Variants in RASGRF2 observed in about 807,000 individuals in gnomAD.
RASGRF2 encodes ras-specific guanine nucleotide-releasing factor 2.
RASGRF2 carries 76 observed loss-of-function variants against 151.0 expected under a neutral mutation model. That is an observed-to-expected ratio of 0.50 (90% confidence interval 0.42 to 0.61). The LOEUF is 0.61. Ranked by LOEUF, RASGRF2 falls within the 20% of genes least tolerant of loss-of-function variation. The pLI is 0.00. For missense variants in RASGRF2, 1,148 were observed against 1,564.6 expected (o/e 0.73, Z 4.49); for synonymous variants, 504 against 566.5 (o/e 0.89, Z 1.57).
chr5:81,012,740 G>T (rs1749507977), intron 1 of RASGRF2, among the ~76,000 whole-genome samples: 3 of 152,004 alleles, frequency 2.0e-5, no homozygotes, highest in Admixed American at 2.0e-4. Context: ...CCCTTTCTCA[G>T]CGAACACTTA....
At chr5:81,025,220 G>A (rs1749977367) in intron 1 of RASGRF2, among the ~76,000 whole-genome samples, 1 of 152,202 alleles carries the variant, frequency 6.6e-6, no homozygotes. Flanking sequence ...GCCCAGCCTG[G>A]CTTTCTCAGG....
chr5:81,153,526 C>A (rs1754184829), intron 17 of RASGRF2, among the ~76,000 whole-genome samples: 1 of 152,186 alleles, frequency 6.6e-6, no homozygotes, highest in Admixed American at 6.5e-5. Context: ...AGGAATGCAA[C>A]CTTGCTAGCA....
intron 1 of RASGRF2, among the ~76,000 whole-genome samples, chr5:81,007,234 C>T (rs141202396): frequency 4.9e-4 from 75 of 152,300 alleles, no homozygotes; most frequent in Middle Eastern, 3.4e-3. Context: ...TTCCCTTGGC[C>T]TCTACACTTT....
At chr5:81,087,544 A>G (rs1752274392) in intron 9 of RASGRF2, 2 of 585,652 alleles carry the variant, frequency 3.4e-6, no homozygotes, top group Admixed American at 3.0e-5. Context: ...GCATCACTCG[A>G]TAAATTAAGC....
At chr5:80,996,504 C>CTTCTTCTTCTTCTTCTT (rs56180832) in intron 1 of RASGRF2, among the ~76,000 whole-genome samples, 5 of 50,228 alleles carry the variant, frequency 1.0e-4, no homozygotes, top group African/African-American at 3.1e-4. Flanking sequence ...TCTTCTTCTT[C>CTTCTTCTTCTTCTTCTT]CTCCTCCTCC....
At chr5:81,018,508 G>C (rs1310799543) in intron 1 of RASGRF2, among the ~76,000 whole-genome samples, 4 of 152,130 alleles carry the variant, frequency 2.6e-5, no homozygotes. Flanking sequence ...AAGCTCCCAT[G>C]AGTGTTAAAG....
chr5:81,039,398 TGGGCTAAAGA>T (rs1488904681), intron 1 of RASGRF2, among the ~76,000 whole-genome samples: 5 of 152,168 alleles, frequency 3.3e-5, no homozygotes, highest in Non-Finnish European at 5.9e-5. Context: ...ATGTATAATT[TGGGCTAAAGA>T]GGGCCACTAT....
At chr5:81,100,592 T>C (rs551483658) in intron 12 of RASGRF2, among the ~76,000 whole-genome samples, 62 of 152,304 alleles carry the variant, frequency 4.1e-4, no homozygotes, top group African/African-American at 1.4e-3. Flanking sequence ...TTTGACTATT[T>C]ATTTCAATAA....
At chr5:81,035,290 G>A (rs1208739555) in intron 1 of RASGRF2, among the ~76,000 whole-genome samples, 1 of 152,030 alleles carries the variant, frequency 6.6e-6, no homozygotes, top group Non-Finnish European at 1.5e-5. Context: ...CCATAAAAAA[G>A]GATGAGTTCA....
rs58105434 is a variant in RASGRF2, at chr5:81,008,139, C to CTTTTTTTTTTTTTTTTTTTTTTTTTTTTT, written c.289-34737_289-34709dup. 4.7e-5 allele frequency among the ~76,000 whole-genome samples: 4 copies of CTTTTTTTTTTTTTTTTTTTTTTTTTTTTT among 85,388 alleles called. 1 individual carries two copies. Among genetic ancestry groups the CTTTTTTTTTTTTTTTTTTTTTTTTTTTTT allele is most frequent in the African/African-American group, 1.4e-4 (3 of 21,470 alleles). 56.0% of individuals were successfully genotyped at this position (85,388 alleles called of 152,430 possible). ...AGTTTTCTTTTTCTTTCTTTCTTTC[C>CTTTTTTTTTTTTTTTTTTTTTTTTTTTTT]TTTTTTTTTTTTTTTTTTTTTTTTT... On this transcript the variant is annotated intron_variant, in intron 1 of 26. Coordinates refer to ENST00000265080, the MANE Select transcript of RASGRF2 (RefSeq NM_006909.3).
chr5:81,050,954 A>AT (rs1483943452), intron 2 of RASGRF2, among the ~76,000 whole-genome samples: 1 of 152,180 alleles, frequency 6.6e-6, no homozygotes, highest in African/African-American at 2.4e-5. Context: ...AGCTGGAATC[A>AT]TTTTTTAAAA....
At chr5:80,969,684 C>T (rs1747855804) in intron 1 of RASGRF2, among the ~76,000 whole-genome samples, 1 of 151,732 alleles carries the variant, frequency 6.6e-6, no homozygotes, top group African/African-American at 2.4e-5. Flanking sequence ...ATCTCCTGAC[C>T]TCGTGATCCG....
chr5:81,028,529 C>T (rs1346591215), intron 1 of RASGRF2, among the ~76,000 whole-genome samples: 2 of 151,660 alleles, frequency 1.3e-5, no homozygotes, highest in Non-Finnish European at 2.9e-5. Context: ...ACATTTGGGA[C>T]TCATAAAGAT....
At chr5:81,174,285 G>T (rs1233615393) in intron 17 of RASGRF2, among the ~76,000 whole-genome samples, 1 of 152,212 alleles carries the variant, frequency 6.6e-6, no homozygotes, top group African/African-American at 2.4e-5. Flanking sequence ...CTTAGGAGAG[G>T]AGAATGTGTC....
At chr5:81,180,048 C>G in intron 17 of RASGRF2, 127 bp from the exon 18 acceptor site, 1 of 626,970 alleles carries the variant, frequency 1.6e-6, no homozygotes, top group Non-Finnish European at 3.0e-6. Context: ...TGAAGCCACG[C>G]GCACCTCTCT....
chr5:81,093,241 A>G lies in RASGRF2; in HGVS notation c.1551+280A>G, dbSNP rs1012254800. 3.9e-5 allele frequency among the ~76,000 whole-genome samples: 6 copies of G among 152,250 alleles called. No homozygotes were observed. The East Asian group carries it at 1.2e-3, about 29-fold the overall frequency. On this transcript the variant is annotated intron_variant, in intron 10 of 26. Coordinates refer to ENST00000265080, the MANE Select transcript of RASGRF2 (RefSeq NM_006909.3). ...TATACTGTACTGTATCTGTATAATCATATACAAAGTTATATACTAGTTGAC... is the reference window on the plus strand; with the variant it reads ...TATACTGTACTGTATCTGTATAATCGTATACAAAGTTATATACTAGTTGAC...
At chr5:80,986,761 G>A (rs1257083492) in intron 1 of RASGRF2, among the ~76,000 whole-genome samples, 1 of 152,142 alleles carries the variant, frequency 6.6e-6, no homozygotes, top group African/African-American at 2.4e-5. Context: ...TACCTCAGTT[G>A]AACCGCTAGG....
In RASGRF2 at chr5:80,960,719, G is replaced by A; in HGVS notation, c.-20G>A. 2 of 1,511,840 alleles carry A rather than the reference G, an allele frequency of 1.3e-6. No individual in the cohort carries two copies. The highest frequency in any genetic ancestry group is 1.8e-6 in the Non-Finnish European group (2 of 1,120,918). 93.7% of individuals were successfully genotyped at this position (1,511,840 alleles called of 1,614,324 possible). On this transcript the variant is annotated 5_prime_UTR_variant, in exon 1 of 27. Transcript: ENST00000265080. The surrounding 1 kb of genome is among the most constrained non-coding windows in gnomAD (Gnocchi z 5.5). ...AGGGGTGAGACCGGCGGCCACCCGT[G>A]AGCCCTCCGCACCCGCACCATGCAG...
At chr5:81,017,904 C>T (rs960135559) in intron 1 of RASGRF2, among the ~76,000 whole-genome samples, 1 of 152,096 alleles carries the variant, frequency 6.6e-6, no homozygotes, top group African/African-American at 2.4e-5. Flanking sequence ...TTGAGACCAG[C>T]CTGGCCAACA....
Sources: gnomAD v4.1 joint callset for allele counts (sites outside exome capture counted in the v4.1 genomes callset) on GRCh38, gnomAD v4.1.1 for gene constraint, Gnocchi (gnomAD v3.1) non-coding constraint, MANE v1.5 for transcripts, NCBI Gene and HGNC (gene_info 2026-07-23, HGNC 2026-07-21) for gene names.